ITGAE: variants seen among roughly 807,000 people sequenced by gnomAD.
ITGAE encodes integrin subunit alpha E, also known as integrin alpha-E.
In ITGAE, 99 loss-of-function variants were observed where a neutral mutation model predicts 136.5. The observed-to-expected ratio is 0.73, with a 90% CI of 0.62 to 0.86. ITGAE has a LOEUF of 0.86. Ranked by LOEUF, ITGAE falls within the 40% of genes least tolerant of loss-of-function variation. The probability of loss-of-function intolerance (pLI) is 0.00; values close to 1 mark genes in which losing one functional copy is unlikely to be tolerated. For missense variants in ITGAE, 1,447 were observed against 1,515.3 expected (o/e 0.95, Z 0.75); for synonymous variants, 613 against 591.8 (o/e 1.04, Z -0.52).
Position 3,801,177 on chromosome 17 carries a change from C to T in ITGAE, c.-33G>A, listed in dbSNP as rs368281248. 5.0e-5 allele frequency: 81 copies of T among 1,607,396 alleles called. No homozygotes were observed. The highest frequency in any genetic ancestry group is 6.4e-5 in the Non-Finnish European group (76 of 1,179,810). Reference sequence around the variant, plus strand: ...GGAGCAGAGGCGGCTGTGTGGGAGCCGAGGCGAGTGCGACACATGGGCCGT... The same window carrying T: ...GGAGCAGAGGCGGCTGTGTGGGAGCTGAGGCGAGTGCGACACATGGGCCGT... On this transcript the variant is annotated 5_prime_UTR_variant, in exon 1 of 31. Transcript: ENST00000263087.
At chr17:3,723,954 G>T (rs1328611436) in intron 26 of ITGAE, 2 of 1,565,862 alleles carry the variant, frequency 1.3e-6, no homozygotes, top group Non-Finnish European at 1.7e-6. Context: ...TTCGCTCCCG[G>T]GACCTGGGAG....
At chr17:3,750,583 C>T (rs556497867) in intron 15 of ITGAE, 101 bp from the exon 16 acceptor site, 3 of 1,405,306 alleles carry the variant, frequency 2.1e-6, no homozygotes, top group Non-Finnish European at 2.9e-6. Context: ...AGGCACCATC[C>T]AGCCCCAGGG....
At chr17:3,734,152 G>C (rs1246804607) in intron 21 of ITGAE, among the ~76,000 whole-genome samples, 2 of 152,106 alleles carry the variant, frequency 1.3e-5, no homozygotes, top group Non-Finnish European at 2.9e-5. Context: ...CTCACTGCAA[G>C]CTCCGCCTCC....
At chr17:3,760,897 A>G in intron 6 of ITGAE, 116 bp downstream of exon 6, 3 of 1,435,258 alleles carry the variant, frequency 2.1e-6, no homozygotes, top group South Asian at 2.8e-5. Context: ...TCAGGTCTGT[A>G]AAGTCCAGCC....
At chr17:3,749,615 G>A (rs1361435519) in intron 16 of ITGAE, among the ~76,000 whole-genome samples, 2 of 152,162 alleles carry the variant, frequency 1.3e-5, no homozygotes, top group African/African-American at 4.8e-5. Flanking sequence ...GGGAGGTGCT[G>A]GGTAGACAGC....
In ITGAE at chr17:3,726,576, C is replaced by A. The variant is rs557370569; in HGVS notation, c.3084+1343G>T. On this transcript the variant is annotated intron_variant, in intron 26 of 30. Coordinates refer to ENST00000263087, the MANE Select transcript of ITGAE (RefSeq NM_002208.5). ...GGCACAGTGGCGTGCGCCTGTAGTC[C>A]CAGCTACTCGGGAGGCTGAGGCAGG... The A allele has an allele frequency of 8.5e-6, 4 of 469,098 alleles. No homozygotes were observed. In the East Asian group the frequency reaches 1.4e-4, roughly 17 times the overall value. The allele number at this position is 469,098 out of a possible 1,614,324, so 29.1% of individuals were successfully genotyped here. A position where few individuals can be genotyped will look rare whatever the true frequency, so the allele number is the denominator to read the frequency against.
chr17:3,716,117 G>A (rs1245266423), intron 30 of ITGAE, among the ~76,000 whole-genome samples: 12 of 151,628 alleles, frequency 7.9e-5, no homozygotes. Flanking sequence ...GTTGCAGTGA[G>A]CCGAGATCGC....
chr17:3,769,433 A>G (rs969212631), intron 2 of ITGAE, among the ~76,000 whole-genome samples: 4 of 150,502 alleles, frequency 2.7e-5, no homozygotes, highest in African/African-American at 9.8e-5. Flanking sequence ...ACTGCCATTC[A>G]TGCCGCCATC....
In ITGAE at chr17:3,745,834, C is replaced by A; in HGVS notation, c.2249G>T (p.Gly750Val). 9 of 1,614,074 alleles carry A rather than the reference C, an allele frequency of 5.6e-6. No homozygotes were observed. The highest frequency in any genetic ancestry group is 6.8e-6 in the Non-Finnish European group (8 of 1,180,018). The stretch of plus-strand genomic sequence containing the variant: ...TCCGCTGCTCCACTCCCTCAGGCAG[C>A]CCAGACAGCTTCTTACGTCTGAACA... ...LQCSDVRSCL[G>V]CLREWSSGSQ... The change falls in exon 18 of 31, where the codon GGC (glycine) becomes GTC (valine). Residue 750 changes from glycine (G) to valine (V), a missense_variant. Gly to Val is a moderately radical substitution (Grantham distance 109). Transcript: ENST00000263087.
At chr17:3,755,016 C>T (rs1294964223) in intron 12 of ITGAE, 101 bp downstream of exon 12, 2 of 1,291,486 alleles carry the variant, frequency 1.5e-6, no homozygotes, top group Non-Finnish European at 2.0e-6. Context: ...GTAGGCCCCG[C>T]CCTCGCCCAC....
At chr17:3,754,755 T>C (rs1023370939) in intron 12 of ITGAE, 6 of 321,286 alleles carry the variant, frequency 1.9e-5, no homozygotes, top group Admixed American at 5.0e-5. Context: ...AGCCTCGGTG[T>C]CCCCATCTCG....
chr17:3,724,402 C>G (rs376550145), intron 26 of ITGAE: 2 of 1,611,444 alleles, frequency 1.2e-6, no homozygotes, highest in Non-Finnish European at 1.7e-6. Context: ...TGCGGCCAGC[C>G]CAGGGACGGC....
chr17:3,755,860 C>T lies in ITGAE; in HGVS notation c.1209G>A (p.Gln403=), dbSNP rs370031664. 2.0e-5 allele frequency: 32 copies of T among 1,600,172 alleles called. No homozygotes were observed. Among genetic ancestry groups the T allele is most frequent in the Non-Finnish European group, 2.6e-5 (30 of 1,173,746 alleles). ...CCAGGATCTGAGCACTGAAGCCAAT[C>T]TGTGCCAGCTGGTAGTGAAGGGCGT... ...VGDALHYQLA[Q]IGFSAQILDE... is the part of the protein sequence containing the mutation. Residue 403 remains glutamine, a synonymous_variant, in exon 11 of 31, where the codon CAG becomes CAA. Coordinates refer to ENST00000263087, the MANE Select transcript of ITGAE (RefSeq NM_002208.5).
chr17:3,725,752 A>G (rs1457067441), intron 26 of ITGAE: 1 of 1,588,296 alleles, frequency 6.3e-7, no homozygotes, highest in Admixed American at 1.8e-5. Flanking sequence ...CTGGAATTTG[A>G]GTTTGGAGGG....
chr17:3,785,956 A>C (rs1195612465), intron 1 of ITGAE, among the ~76,000 whole-genome samples: 2 of 152,042 alleles, frequency 1.3e-5, no homozygotes, highest in East Asian at 3.9e-4. Flanking sequence ...TCACGAGGCC[A>C]GGAGATCGAG....
intron 15 of ITGAE, 43 bp from the exon 16 acceptor site, chr17:3,750,525 G>A: frequency 6.2e-7 from 1 of 1,611,598 alleles, no homozygotes; most frequent in Non-Finnish European, 8.5e-7. Context: ...GGGAAGGGAG[G>A]GAAACGGGGC....
chr17:3,780,174 T>TG (rs1411532182), intron 1 of ITGAE, among the ~76,000 whole-genome samples: 6 of 149,310 alleles, frequency 4.0e-5, no homozygotes, highest in African/African-American at 1.5e-4. Context: ...TTTATTTGTT[T>TG]TTTTTTTTTT....
At chr17:3,746,598 G>A (rs1298902785) in intron 17 of ITGAE, among the ~76,000 whole-genome samples, 2 of 152,054 alleles carry the variant, frequency 1.3e-5, no homozygotes, top group African/African-American at 4.8e-5. Flanking sequence ...TGGGACTACA[G>A]GCGCCCGCCA....
chr17:3,747,229 A>T (rs1216332802), intron 17 of ITGAE, among the ~76,000 whole-genome samples: 3 of 152,224 alleles, frequency 2.0e-5, no homozygotes. Flanking sequence ...GGGAGAAGAC[A>T]CAAGTCAGAG....
Sources: gnomAD v4.1 joint callset for allele counts (sites outside exome capture counted in the v4.1 genomes callset) on GRCh38, gnomAD v4.1.1 for gene constraint, MANE v1.5 for transcripts, NCBI Gene and HGNC (gene_info 2026-07-23, HGNC 2026-07-21) for gene names.